MUC5B: variants seen among roughly 807,000 people sequenced by gnomAD.
The protein encoded by MUC5B is mucin-5B.
A neutral mutation model predicts 376.9 loss-of-function variants in MUC5B; 116 were observed. The observed-to-expected ratio is 0.31, with a 90% CI of 0.26 to 0.36. The LOEUF (loss-of-function observed/expected upper bound fraction) is 0.36. MUC5B is among the 10% of genes least tolerant of loss of function. MUC5B has a pLI of 1.00. For synonymous variants in MUC5B, 3,517 were observed against 3,390.9 expected, an observed-to-expected ratio of 1.04 and a Z score of -1.29; for missense variants, 7,165 against 7,769.9, an observed-to-expected ratio of 0.92 and a Z score of 2.93.
In MUC5B at chr11:1,260,340, GC is replaced by G; in HGVS notation, c.16924-6del. Reference sequence around the variant, plus strand: ...CCCACAGCCCTGCCCCCTGTCTTTGGCCCCCACCAGGGGAGCCTCAGGAAAA... The same window carrying G: ...CCCACAGCCCTGCCCCCTGTCTTTGGCCCCACCAGGGGAGCCTCAGGAAAA... On this transcript the variant is annotated splice_polypyrimidine_tract_variant and intron_variant, in intron 46 of 48. Transcript: ENST00000529681. 1.2e-6 allele frequency: 2 copies of G among 1,612,262 alleles called. No individual in the cohort carries two copies. The highest frequency in any genetic ancestry group is 2.2e-5 in the East Asian group (1 of 44,870).
At position 1,245,414 on chromosome 11, in the gene MUC5B, C is replaced by T. The variant is rs1482121925; in HGVS notation, c.8534C>T (p.Pro2845Leu). The T allele has an allele frequency of 1.3e-6, 2 of 1,560,732 alleles. No homozygotes were observed. Among genetic ancestry groups the T allele is most frequent in the Admixed American group, 1.8e-5 (1 of 54,228 alleles). ...ATSRTTATAT[P>L]SKTRTSTLLP... is the part of the protein sequence containing the mutation. ...TCCAGGACCACGGCCACGGCCACAC[C>T]CAGCAAGACCCGCACCTCGACCCTG... Residue 2845 changes from proline (P) to leucine (L), a missense_variant, in exon 31 of 49, where the codon CCC becomes CTC. Pro to Leu is a moderately conservative substitution (Grantham distance 98). This residue lies in a region of MUC5B where 50 missense variants were observed against 66.4 expected (regional missense o/e 0.75). Coordinates refer to ENST00000529681, the MANE Select transcript of MUC5B (RefSeq NM_002458.3).
In MUC5B at chr11:1,225,668, C is replaced by G. The variant is rs1401787803; in HGVS notation, c.71-13C>G. The stretch of plus-strand genomic sequence containing the variant: ...TCTAGTTCCTCACTGACTCCCATTC[C>G]CTCTTCCCACAGAGACCCAGGGCCC... On this transcript the variant is annotated splice_polypyrimidine_tract_variant and intron_variant, in intron 1 of 48. Transcript: ENST00000529681. The G allele has an allele frequency of 6.3e-7, 1 of 1,592,972 alleles. No homozygotes were observed. The highest frequency in any genetic ancestry group is 8.5e-7 in the Non-Finnish European group (1 of 1,170,254).
Position 1,242,400 on chromosome 11 carries a change from C to T in MUC5B, c.5520C>T (p.Ile1840=), listed in dbSNP as rs373201698. The change falls in exon 31 of 49, where the codon ATC becomes ATT. Residue 1840 remains isoleucine (I), a synonymous_variant. Coordinates refer to ENST00000529681, the MANE Select transcript of MUC5B (RefSeq NM_002458.3). ...CGGAGAACTACCCCGAGGTAAGCAT[C>T]GACCAGGTCGGGCAGGTGCTGACCT... ...CRAENYPEVS[I]DQVGQVLTCS... is the part of the protein sequence containing the mutation. 282 of 1,613,738 alleles carry T rather than the reference C, an allele frequency of 1.7e-4. 1 individual carries two copies. The highest frequency in any genetic ancestry group is 2.2e-4 in the Non-Finnish European group (264 of 1,179,858).
At position 1,230,484 on chromosome 11, in the gene MUC5B, C is replaced by T. The variant is rs1266605502; in HGVS notation, c.1360-6C>T. ...GCCCAATGCACGCGTGGGTCCTTCT[C>T]CCCAGAAATGTGCCGACAGCAGCTT... On this transcript the variant is annotated splice_region_variant and splice_polypyrimidine_tract_variant and intron_variant, in intron 11 of 48. Transcript: ENST00000529681. 2.5e-6 allele frequency: 4 copies of T among 1,599,622 alleles called. No homozygotes were observed. Among genetic ancestry groups the T allele is most frequent in the Non-Finnish European group, 2.6e-6 (3 of 1,172,836 alleles).
At chr11:1,225,549 C>A in intron 1 of MUC5B, 132 bp from the exon 2 acceptor site, 1 of 770,698 alleles carries the variant, frequency 1.3e-6, no homozygotes, top group Admixed American at 2.5e-5. Context: ...GGTGAACCTG[C>A]AGGGCATGGA....
At chr11:1,239,967 C>T (rs747525199) in intron 28 of MUC5B, 24 bp downstream of exon 28, 21 of 1,610,930 alleles carry the variant, frequency 1.3e-5, no homozygotes, top group South Asian at 8.8e-5. Context: ...AAGCGGGTGG[C>T]GCTGGGGGAG....
At position 1,223,185 on chromosome 11, in the gene MUC5B, C is replaced by T. The variant is rs999782116; in HGVS notation, c.62C>T (p.Pro21Leu). The change falls in exon 1 of 49, where the codon CCG (proline) becomes CTG (leucine). Residue 21 changes from proline to leucine, a missense_variant. By Grantham distance (98) the Pro-to-Leu change is moderately conservative. Around this residue, in one of 31 missense-constraint regions of MUC5B, gnomAD observed 640 missense variants for 733.0 expected, o/e 0.87. Coordinates refer to ENST00000529681, the MANE Select transcript of MUC5B (RefSeq NM_002458.3). ...VLALAAMLVV[P>L]QAETQGPVEP... Reference sequence around the variant, plus strand: ...GCTCTGGCGGCCATGCTCGTGGTGCCGCAGGCAGGTAAGAGCCCCCCACTC... The same window carrying T: ...GCTCTGGCGGCCATGCTCGTGGTGCTGCAGGCAGGTAAGAGCCCCCCACTC... 1.7e-5 allele frequency: 12 copies of T among 710,974 alleles called. No homozygotes were observed. The highest frequency in any genetic ancestry group is 3.5e-5 in the African/African-American group (2 of 57,250). The allele number at this position is 710,974 out of a possible 1,614,324, so 44.0% of individuals were successfully genotyped here.
intron 45 of MUC5B, 44 bp downstream of exon 45, chr11:1,259,886 G>A: frequency 6.2e-7 from 1 of 1,611,936 alleles, no homozygotes; most frequent in Non-Finnish European, 8.5e-7. Flanking sequence ...CTCCCTCCCT[G>A]GAGACCCTCA....
intron 35 of MUC5B, 58 bp from the exon 36 acceptor site, chr11:1,254,983 G>C (rs1361481174): frequency 1.6e-6 from 1 of 620,074 alleles, no homozygotes; most frequent in Non-Finnish European, 2.8e-6. Context: ...GGGGAGGGGG[G>C]TGGGGGCTGT....
Position 1,251,186 on chromosome 11 carries a change from C to G in MUC5B, c.14306C>G (p.Thr4769Ser). ...WTTWTVPAQT[T>S]TPMSTMSTIH... ...ACGTGGACCGTCCCAGCACAGACCA[C>G]CACACCCATGTCCACCATGTCCACA... Residue 4769 changes from threonine (T) to serine (S), a missense_variant, in exon 31 of 49, where the codon ACC (threonine) becomes AGC (serine). By Grantham distance (58) the Thr-to-Ser change is moderately conservative. Transcript: ENST00000529681. 6.2e-7 allele frequency: 1 copy of G among 1,611,480 alleles called. No homozygotes were observed. Among genetic ancestry groups the G allele is most frequent in the Non-Finnish European group, 8.5e-7 (1 of 1,178,314 alleles).
chr11:1,256,677 G>C lies in MUC5B; in HGVS notation c.16143G>C (p.Gln5381His), dbSNP rs1167747132. 6.4e-7 allele frequency: 1 copy of C among 1,564,138 alleles called. No homozygotes were observed. Among genetic ancestry groups the C allele is most frequent in the Admixed American group, 1.9e-5 (1 of 52,560 alleles). Residue 5381 changes from glutamine to histidine, a missense_variant, in exon 39 of 49, where the codon CAG becomes CAC. Around this residue, in one of 31 missense-constraint regions of MUC5B, gnomAD observed 842 missense variants for 1,016.9 expected, o/e 0.83. Coordinates refer to ENST00000529681, the MANE Select transcript of MUC5B (RefSeq NM_002458.3). The stretch of plus-strand genomic sequence containing the variant: ...CTCTCTTGTCATCCTGCAGGAACCA[G>C]AGCCCACAGCTGGAGGGGATGGCGG... Reference protein sequence around the residue: ...IQPATCNSRNQSPQLEGMAEG... With the variant: ...IQPATCNSRNHSPQLEGMAEG...
rs377707627 is a variant in MUC5B, at chr11:1,231,143, T to C, written c.1540+138T>C. 85 of 946,794 alleles carry C rather than the reference T, an allele frequency of 9.0e-5. No individual in the cohort carries two copies. In the East Asian group the frequency reaches 1.5e-3, roughly 16 times the overall value. The allele number at this position is 946,794 out of a possible 1,614,324, so 58.6% of individuals were successfully genotyped here. On this transcript the variant is annotated intron_variant, in intron 13 of 48. Transcript: ENST00000529681. The stretch of plus-strand genomic sequence containing the variant: ...GCTCCAGGAGCTCCCTGTGCTCGGT[T>C]TCTCGTCTGCAGAGTGGGGATGCCA...
rs371905363 is a variant in MUC5B, at chr11:1,257,878, C to T, written c.16450+168C>T. On this transcript the variant is annotated intron_variant, in intron 41 of 48. Transcript: ENST00000529681. This position sits in a 1 kb window ranked among gnomAD's most constrained non-coding sequence, Gnocchi z 8.9. ...AGATGGCCTCCAGGTGCTTCATTCTCCTCCTAACGATGAGGCTGGTGACCT... is the reference window on the plus strand; with the variant it reads ...AGATGGCCTCCAGGTGCTTCATTCTTCTCCTAACGATGAGGCTGGTGACCT... Among the ~76,000 whole-genome samples, 15 of 152,300 alleles carry T rather than the reference C, an allele frequency of 9.8e-5. No homozygotes were observed. Among genetic ancestry groups the T allele is most frequent in the Admixed American group, 3.3e-4 (5 of 15,300 alleles).
rs201943411 is a variant in MUC5B, at chr11:1,248,735, C to A, written c.11855C>A (p.Thr3952Asn). Residue 3952 changes from threonine to asparagine, a missense_variant, in exon 31 of 49, where the codon ACT becomes AAT. Thr to Asn is a moderately conservative substitution (Grantham distance 65). This residue lies in a region of MUC5B where 242 missense variants were observed against 199.0 expected (regional missense o/e 1.22). Coordinates refer to ENST00000529681, the MANE Select transcript of MUC5B (RefSeq NM_002458.3). ...GTPPSLITTA[T>N]TITATGSTTN... ...CCCCCATCACTGATCACCACGGCCA[C>A]TACGATCACGGCCACCGGCTCCACC... 11,468 of 1,499,982 alleles carry A rather than the reference C, an allele frequency of 7.6e-3. No homozygotes were observed. Among genetic ancestry groups the A allele is most frequent in the Non-Finnish European group, 7.2e-3 (7,869 of 1,100,164 alleles). 92.9% of individuals were successfully genotyped at this position (1,499,982 alleles called of 1,614,324 possible). A position where few individuals can be genotyped will look rare whatever the true frequency, so the allele number is the denominator to read the frequency against.
At chr11:1,228,821 A>C in intron 8 of MUC5B, 56 bp downstream of exon 8, 1 of 584,696 alleles carries the variant, frequency 1.7e-6, no homozygotes. Flanking sequence ...GGGCAGGGGG[A>C]GCGCCTTGGG....
chr11:1,232,804 C>T (rs1439031270), intron 17 of MUC5B, 34 bp downstream of exon 17: 13 of 1,563,074 alleles, frequency 8.3e-6, no homozygotes, highest in Non-Finnish European at 1.0e-5. Context: ...GATGTGTCCA[C>T]ACCGCGTGGG....
In MUC5B at chr11:1,246,173, C is replaced by G; in HGVS notation, c.9293C>G (p.Ser3098Cys). 1 of 1,613,178 alleles carries G rather than the reference C, an allele frequency of 6.2e-7. No individual in the cohort carries two copies. Among genetic ancestry groups the G allele is most frequent in the Non-Finnish European group, 8.5e-7 (1 of 1,179,678 alleles). ...MATMSTIHPSSTPETTHTSTV... is the reference protein window; with the variant it reads ...MATMSTIHPSCTPETTHTSTV... Reference sequence around the variant, plus strand: ...ACCATGTCCACAATCCACCCCTCCTCCACTCCGGAGACCACCCACACCTCC... The same window carrying G: ...ACCATGTCCACAATCCACCCCTCCTGCACTCCGGAGACCACCCACACCTCC... Residue 3098 changes from serine to cysteine, a missense_variant, in exon 31 of 49, where the codon TCC becomes TGC. Around this residue, in one of 31 missense-constraint regions of MUC5B, gnomAD observed 939 missense variants for 770.6 expected, o/e 1.22. Transcript: ENST00000529681.
chr11:1,240,531 C>T lies in MUC5B; in HGVS notation c.3970+156C>T, dbSNP rs539552594. Among the ~76,000 whole-genome samples the T allele has an allele frequency of 5.0e-4, 76 of 152,276 alleles. 1 individual carries two copies. The highest frequency in any genetic ancestry group is 1.7e-3 in the African/African-American group (71 of 41,558). ...GGGTGCACGGCCCCTCAACACCCTG[C>T]GTGTCTCCAGGGGCTCCCCACGAAG... is the stretch of plus-strand genomic sequence containing the variant. On this transcript the variant is annotated intron_variant, in intron 30 of 48. Transcript: ENST00000529681.
chr11:1,230,737 C>T (rs1158106760), intron 12 of MUC5B, 137 bp downstream of exon 12: 1 of 898,690 alleles, frequency 1.1e-6, no homozygotes, highest in Non-Finnish European at 1.7e-6. Context: ...CCCCCTCCAG[C>T]CCCCAGGTCA....
Sources: gnomAD v4.1 joint callset for allele counts (sites outside exome capture counted in the v4.1 genomes callset) on GRCh38, gnomAD v4.1.1 for gene constraint, gnomAD v4.1.1 regional missense constraint, Gnocchi (gnomAD v3.1) non-coding constraint, MANE v1.5 for transcripts, NCBI Gene and HGNC (gene_info 2026-07-23, HGNC 2026-07-21) for gene names.